The following SYT12 variants were observed in gnomAD, a reference collection of about 807,000 sequenced individuals.
SYT12 encodes the protein synaptotagmin 12.
In SYT12, 27 loss-of-function variants were observed where a neutral mutation model predicts 39.5. The observed-to-expected ratio is 0.68, with a 90% CI of 0.50 to 0.94. The LOEUF (loss-of-function observed/expected upper bound fraction) is 0.94. Ranked by LOEUF, SYT12 falls within the 40% of genes least tolerant of loss-of-function variation. SYT12 has a pLI of 0.00. For synonymous variants in SYT12, 233 were observed against 239.7 expected (o/e 0.97, Z 0.26); for missense variants, 536 against 572.6 (o/e 0.94, Z 0.65).
At chr11:67,019,719 A>G (rs1353269423), upstream of SYT12, among the ~76,000 whole-genome samples, 1 of 151,938 alleles carries the variant, frequency 6.6e-6, no homozygotes, top group Non-Finnish European at 1.5e-5. Flanking sequence ...GCAACGTGGC[A>G]AAACCCTGTC....
chr11:67,030,427 C>T (rs1950244203), intron 2 of SYT12: 2 of 509,710 alleles, frequency 3.9e-6, no homozygotes, highest in Non-Finnish European at 7.0e-6. Flanking sequence ...CTCTCTTTCA[C>T]TTGAAAGGGT....
chr11:67,043,406 A>C (rs1182942311), intron 4 of SYT12, among the ~76,000 whole-genome samples: 1 of 152,134 alleles, frequency 6.6e-6, no homozygotes, highest in Non-Finnish European at 1.5e-5. Context: ...ATTAGTTGGG[A>C]TCAGATTGTG....
At chr11:67,032,090 T>C (rs1950279137) in intron 2 of SYT12, 1 of 152,248 alleles carries the variant, frequency 6.6e-6, no homozygotes, top group Non-Finnish European at 1.5e-5. Context: ...TTTTCCCTGG[T>C]CTGCCCAGCC....
chr11:67,039,764 G>C, intron 3 of SYT12, 47 bp from the exon 4 acceptor site: 1 of 1,557,780 alleles, frequency 6.4e-7, no homozygotes, highest in South Asian at 1.2e-5. Context: ...CAGTGACCTT[G>C]CCTATGGCCC....
chr11:67,013,905 C>T (rs1211010185), intron 3 of SYT12, among the ~76,000 whole-genome samples: 1 of 152,236 alleles, frequency 6.6e-6, no homozygotes, highest in Non-Finnish European at 1.5e-5. Flanking sequence ...CCTCCAGACG[C>T]TCTCCGGGAG....
intron 2 of SYT12, among the ~76,000 whole-genome samples, chr11:67,033,075 G>A (rs926176372): frequency 2.6e-5 from 4 of 152,138 alleles, no homozygotes; most frequent in African/African-American, 9.7e-5. Flanking sequence ...GCCCCACTGT[G>A]TGATCCATTC....
intron 3 of SYT12, among the ~76,000 whole-genome samples, chr11:67,011,436 T>G (rs147819324): frequency 0.014 from 2,184 of 152,228 alleles, 18 homozygotes; most frequent in Non-Finnish European, 0.023. Flanking sequence ...AGAGATGAGG[T>G]CTCACCATGT....
intron 1 of SYT12, chr11:67,029,128 T>G (rs530004139): frequency 6.6e-6 from 1 of 152,302 alleles, no homozygotes; most frequent in South Asian, 2.1e-4. Flanking sequence ...CTTAGCACAC[T>G]AATAAAACAA....
upstream of SYT12, among the ~76,000 whole-genome samples, chr11:67,020,767 C>T (rs1043361144): frequency 2.0e-5 from 3 of 152,126 alleles, no homozygotes; most frequent in African/African-American, 7.2e-5. Flanking sequence ...GAGTCTCTGT[C>T]GCCCAGGCTG....
chr11:67,018,267 A>G (rs1429903264), upstream of SYT12, among the ~76,000 whole-genome samples: 1 of 152,066 alleles, frequency 6.6e-6, no homozygotes, highest in African/African-American at 2.4e-5. Flanking sequence ...CTGTCTCAAA[A>G]AAAAAAATTT....
chr11:67,037,821 G>A lies in SYT12; in HGVS notation c.229-1990G>A, dbSNP rs140185126. Among the ~76,000 whole-genome samples the A allele has an allele frequency of 7.3e-3, 1,096 of 151,000 alleles. 18 individuals carry two copies. Among genetic ancestry groups the A allele is most frequent in the African/African-American group, 0.026 (1,049 of 41,116 alleles). ...CGCTTGAACCCAGGAGGTGGAGCTT[G>A]CAGTGAGCAGAGATCGCACCACTCT... is the stretch of plus-strand genomic sequence containing the variant. On this transcript the variant is annotated intron_variant, in intron 3 of 7. Transcript: ENST00000527043.
chr11:67,039,665 C>A, intron 3 of SYT12, 146 bp from the exon 4 acceptor site: 1 of 1,000,726 alleles, frequency 1.0e-6, no homozygotes, highest in Non-Finnish European at 1.5e-6. Context: ...AAACAGCGAC[C>A]TTCCTAGCTA....
At position 67,048,268 on chromosome 11, in the gene SYT12, C is replaced by CAA. The variant is rs562190914; in HGVS notation, c.1093-300_1093-299dup. On this transcript the variant is annotated intron_variant, in intron 7 of 7. Coordinates refer to ENST00000527043, the MANE Select transcript of SYT12 (RefSeq NM_177963.4). ...CCTGGGTAACAGAGTGAGACTGTCT[C>CAA]AAAAAAAAAAAAAAAAAGGATCAGG... Among the ~76,000 whole-genome samples the CAA allele has an allele frequency of 2.3e-4, 19 of 82,842 alleles. No homozygotes were observed. The East Asian group carries it at 3.0e-3, about 13-fold the overall frequency. 54.3% of individuals were successfully genotyped at this position (82,842 alleles called of 152,430 possible).
upstream of SYT12, among the ~76,000 whole-genome samples, chr11:67,018,815 T>C (rs1198073647): frequency 6.6e-6 from 1 of 150,732 alleles, no homozygotes; most frequent in Admixed American, 6.6e-5. Context: ...AGAGCGAGAC[T>C]CCGTCTCAAA....
chr11:67,027,604 G>A (rs1413730871), intron 1 of SYT12: 5 of 152,116 alleles, frequency 3.3e-5, no homozygotes, highest in East Asian at 1.9e-4. Flanking sequence ...AAAGGATGTC[G>A]TGTTAAAGGG....
intron 3 of SYT12, among the ~76,000 whole-genome samples, chr11:67,013,584 C>T (rs1229422676): frequency 6.6e-6 from 1 of 152,082 alleles, no homozygotes; most frequent in African/African-American, 2.4e-5. Flanking sequence ...CCCACAAGCC[C>T]CCTCCCTGGG....
chr11:67,015,112 C>T (rs554331182), intron 3 of SYT12, among the ~76,000 whole-genome samples: 2 of 152,160 alleles, frequency 1.3e-5, no homozygotes, highest in Non-Finnish European at 2.9e-5. Context: ...CCCTTACTTT[C>T]CCACAACAAT....
chr11:67,035,790 TTTCC>T (rs1172307451), intron 3 of SYT12, among the ~76,000 whole-genome samples: 16 of 73,226 alleles, frequency 2.2e-4, no homozygotes, highest in African/African-American at 8.3e-4. Context: ...TTTTCTTTTC[TTTCC>T]TTCCTTCCTT....
chr11:67,016,362 A>G (rs1482701041), intron 3 of SYT12, among the ~76,000 whole-genome samples: 3 of 152,114 alleles, frequency 2.0e-5, no homozygotes, highest in Non-Finnish European at 4.4e-5. Flanking sequence ...AGGGCCTGGG[A>G]AGGAGCTTGG....
Sources: allele counts gnomAD v4.1 joint callset (sites outside exome capture counted in the v4.1 genomes callset), GRCh38; gene constraint gnomAD v4.1.1; transcripts MANE v1.5; gene names NCBI Gene and HGNC (gene_info 2026-07-23, HGNC 2026-07-21).